The following FBXW4 variants were observed in gnomAD, a reference collection of about 807,000 sequenced individuals.
The protein encoded by FBXW4 is F-box/WD repeat-containing protein 4.
A neutral mutation model predicts 61.8 loss-of-function variants in FBXW4; 40 were observed. That is an observed-to-expected ratio of 0.65 (90% CI 0.50 to 0.84). The LOEUF is 0.84. FBXW4 is among the 40% of genes least tolerant of loss of function. FBXW4 has a pLI of 0.00. For synonymous variants in FBXW4, 311 were observed against 313.8 expected (o/e 0.99, Z 0.10); for missense variants, 672 against 753.8 (o/e 0.89, Z 1.27).
intron 5 of FBXW4, among the ~76,000 whole-genome samples, chr10:101,665,589 T>C (rs908359408): frequency 3.3e-5 from 5 of 152,206 alleles, no homozygotes; most frequent in African/African-American, 9.7e-5. Context: ...TGTTAGCTGC[T>C]AGTAGTAGTG....
rs769937106 is a variant in FBXW4 at position 101,667,920 on chromosome 10, G to A, written c.1201C>T (p.Arg401Ter). The A allele has an allele frequency of 6.8e-6, 11 of 1,614,062 alleles. No individual in the cohort carries two copies. Among genetic ancestry groups the A allele is most frequent in the South Asian group, 6.6e-5 (6 of 91,068 alleles). The change falls in exon 5 of 9, where the codon CGA becomes TGA. Residue 401 changes from arginine to a stop codon, truncating the protein, a stop_gained. Transcript: ENST00000331272. LOFTEE classifies it high-confidence loss of function. Reference protein sequence around the residue: ...QCLHTIQTEDRVWSIAISPLL... With the variant: ...QCLHTIQTED ...GGGCTGATAGCAATGGACCAGACTC[G>A]GTCTTCAGTCTGGATGGTGTGTAAG...
chr10:101,613,932 T>C (rs2063807299), intron 6 of FBXW4, among the ~76,000 whole-genome samples: 1 of 152,204 alleles, frequency 6.6e-6, no homozygotes, highest in African/African-American at 2.4e-5. Flanking sequence ...AGCCTCTGTC[T>C]GTTGGGGGGC....
chr10:101,642,489 G>A (rs2134847048), intron 5 of FBXW4, among the ~76,000 whole-genome samples: 1 of 151,868 alleles, frequency 6.6e-6, no homozygotes, highest in East Asian at 1.9e-4. Context: ...GCCTGCCACA[G>A]TGAGCTGCCC....
rs1002056385 is a variant in FBXW4 at position 101,625,191 on chromosome 10, C to G, written c.1236-381G>C. On this transcript the variant is annotated intron_variant, in intron 5 of 8. Transcript: ENST00000331272. ...CACAATGGCAGGGCACAGAAAAGGG[C>G]TCCAGGGAACAGGTTGCTGGGGCTG... The G allele has an allele frequency of 1.7e-5, 4 of 234,140 alleles. No homozygotes were observed. The South Asian group carries it at 2.5e-4, about 15-fold the overall frequency. The allele number at this position is 234,140 out of a possible 1,614,324, so 14.5% of individuals were successfully genotyped here. A position where few individuals can be genotyped will look rare whatever the true frequency, so the allele number is the denominator to read the frequency against.
Position 101,694,598 on chromosome 10 carries a change from C to T in FBXW4, c.508G>A (p.Ala170Thr). Reference sequence around the variant, plus strand: ...GCCGGGCGGGCAGCCGACTCCCGAGCCGCCTCCTCCTCCTCCTCCTCCTCC... The same window carrying T: ...GCCGGGCGGGCAGCCGACTCCCGAGTCGCCTCCTCCTCCTCCTCCTCCTCC... The part of the protein sequence containing the change: ...AGEEEEEEEA[A>T]RESAARPAAG... Residue 170 changes from alanine (A) to threonine (T), a missense_variant, in exon 1 of 9, where the codon GCT becomes ACT. Physicochemically the swap from Ala to Thr is moderately conservative, Grantham distance 58. Coordinates refer to ENST00000331272, the MANE Select transcript of FBXW4 (RefSeq NM_022039.4). This position sits in a 1 kb window ranked among gnomAD's most constrained non-coding sequence, Gnocchi z 6.0. 1.4e-6 allele frequency: 2 copies of T among 1,449,740 alleles called. No individual in the cohort carries two copies. Among genetic ancestry groups the T allele is most frequent in the Non-Finnish European group, 1.8e-6 (2 of 1,111,392 alleles). 89.8% of individuals were successfully genotyped at this position (1,449,740 alleles called of 1,614,324 possible).
At chr10:101,671,785 G>A (rs1325246524) in intron 4 of FBXW4, among the ~76,000 whole-genome samples, 1 of 152,204 alleles carries the variant, frequency 6.6e-6, no homozygotes. Flanking sequence ...TAAGTATGAA[G>A]TAGGGTAATA....
chr10:101,649,233 C>G (rs1265562110), intron 5 of FBXW4, among the ~76,000 whole-genome samples: 1 of 152,130 alleles, frequency 6.6e-6, no homozygotes, highest in East Asian at 1.9e-4. Flanking sequence ...TCATCTCTCT[C>G]CTCCATCAAG....
rs375794766 is a variant in FBXW4 at position 101,673,478 on chromosome 10, T to C, written c.1007+10A>G. ...GGAAAAGGGTGGAAGGAGAAACCTATAGCACTTACCCTCCTGCACTAACAA... is the reference window on the plus strand; with the variant it reads ...GGAAAAGGGTGGAAGGAGAAACCTACAGCACTTACCCTCCTGCACTAACAA... On this transcript the variant is annotated intron_variant, in intron 3 of 8. Coordinates refer to ENST00000331272, the MANE Select transcript of FBXW4 (RefSeq NM_022039.4). 4 of 1,613,842 alleles carry C rather than the reference T, an allele frequency of 2.5e-6. No individual in the cohort carries two copies. The highest frequency in any genetic ancestry group is 2.2e-5 in the East Asian group (1 of 44,878).
At chr10:101,650,771 A>C (rs989715454) in intron 5 of FBXW4, among the ~76,000 whole-genome samples, 1 of 152,196 alleles carries the variant, frequency 6.6e-6, no homozygotes, top group African/African-American at 2.4e-5. Flanking sequence ...CAAGACAAAG[A>C]CTTGAGGCCC....
At chr10:101,631,190 C>T (rs1446405044) in intron 5 of FBXW4, among the ~76,000 whole-genome samples, 2 of 152,166 alleles carry the variant, frequency 1.3e-5, no homozygotes, top group Non-Finnish European at 2.9e-5. Flanking sequence ...CTCAAAGAGA[C>T]AGTGCAGACA....
intron 1 of FBXW4, among the ~76,000 whole-genome samples, chr10:101,690,130 T>G (rs1377788928): frequency 1.3e-5 from 2 of 152,252 alleles, no homozygotes; most frequent in African/African-American, 4.8e-5. Flanking sequence ...CATGCACAGA[T>G]GTACTTTTTC....
At chr10:101,639,392 C>T (rs2064031929) in intron 5 of FBXW4, among the ~76,000 whole-genome samples, 1 of 152,158 alleles carries the variant, frequency 6.6e-6, no homozygotes, top group South Asian at 2.1e-4. Context: ...TACAACAGTT[C>T]CTATCAGACT....
At chr10:101,673,298 G>A (rs1411622321) in intron 3 of FBXW4, among the ~76,000 whole-genome samples, 190 bp downstream of exon 3, 1 of 152,142 alleles carries the variant, frequency 6.6e-6, no homozygotes, top group Non-Finnish European at 1.5e-5. Context: ...TTCATTAGAA[G>A]CTCTTCCTGT....
intron 1 of FBXW4, among the ~76,000 whole-genome samples, chr10:101,691,986 G>A (rs927449654): frequency 3.3e-5 from 5 of 152,054 alleles, no homozygotes; most frequent in African/African-American, 7.2e-5. Flanking sequence ...CAATAAAAAC[G>A]AAATGCATAA....
intron 5 of FBXW4, among the ~76,000 whole-genome samples, chr10:101,645,160 T>C (rs1160427042): frequency 1.3e-5 from 2 of 152,188 alleles, no homozygotes; most frequent in African/African-American, 4.8e-5. Flanking sequence ...AGTCATTCTC[T>C]ATAGCAGAAT....
At chr10:101,647,953 G>A (rs964471393) in intron 5 of FBXW4, among the ~76,000 whole-genome samples, 1 of 152,180 alleles carries the variant, frequency 6.6e-6, no homozygotes, top group African/African-American at 2.4e-5. Context: ...CTTAGACCCT[G>A]ATGATAACTT....
At chr10:101,615,680 T>A (rs1318934306) in intron 6 of FBXW4, among the ~76,000 whole-genome samples, 1 of 152,076 alleles carries the variant, frequency 6.6e-6, no homozygotes, top group Non-Finnish European at 1.5e-5. Flanking sequence ...TTCCTGCCAG[T>A]CAGAGAGGAG....
chr10:101,644,077 C>T (rs1011415600), intron 5 of FBXW4, among the ~76,000 whole-genome samples: 1 of 152,224 alleles, frequency 6.6e-6, no homozygotes, highest in African/African-American at 2.4e-5. Context: ...CTTTGTTCCC[C>T]CTAAATACAG....
At chr10:101,649,595 C>T (rs1232018175) in intron 5 of FBXW4, among the ~76,000 whole-genome samples, 1 of 152,244 alleles carries the variant, frequency 6.6e-6, no homozygotes, top group African/African-American at 2.4e-5. Context: ...CTGCTTCTTA[C>T]TGATGGGTTC....
Sources: gnomAD v4.1 joint callset for allele counts (sites outside exome capture counted in the v4.1 genomes callset) on GRCh38, gnomAD v4.1.1 for gene constraint, Gnocchi (gnomAD v3.1) non-coding constraint, MANE v1.5 for transcripts, NCBI Gene and HGNC (gene_info 2026-07-23, HGNC 2026-07-21) for gene names.